Variants in CDK10 observed in about 807,000 individuals in gnomAD.
CDK10 encodes cyclin dependent kinase 10.
Under a neutral mutation model 51.0 loss-of-function variants are expected in CDK10, and 55 were observed. The ratio of observed to expected loss-of-function variants is 1.08; its 90% CI spans 0.87 to 1.35. CDK10 has a LOEUF of 1.35. Ranked by LOEUF, CDK10 falls within the 40% of genes most tolerant of loss-of-function variation. The pLI, the probability that CDK10 is intolerant of heterozygous loss-of-function variation, is 0.00. For synonymous variants in CDK10, 255 were observed against 199.1 expected (o/e 1.28, Z -2.36); for missense variants, 589 against 485.1 (o/e 1.21, Z -2.01).
intron 1 of CDK10, among the ~76,000 whole-genome samples, chr16:89,688,270 G>C (rs2151558311): frequency 6.6e-6 from 1 of 152,068 alleles, no homozygotes; most frequent in Non-Finnish European, 1.5e-5. Flanking sequence ...TTTTAGTAGA[G>C]ACGGAGTTTC....
At chr16:89,692,082 G>C in intron 5 of CDK10, 195 bp downstream of exon 5, 1 of 611,988 alleles carries the variant, frequency 1.6e-6, no homozygotes, top group South Asian at 2.0e-5. Context: ...CAGCCCCAGG[G>C]CCGAGAGCCT....
Position 89,692,514 on chromosome 16 carries a change from C to T in CDK10, c.483C>T (p.His161=), listed in dbSNP as rs780418527. 1.3e-6 allele frequency: 2 copies of T among 1,588,040 alleles called. No homozygotes were observed. Among genetic ancestry groups the T allele is most frequent in the Non-Finnish European group, 1.7e-6 (2 of 1,166,990 alleles). Residue 161 remains histidine, a splice_region_variant and synonymous_variant, in exon 6 of 13, where the codon CAC becomes CAT. Coordinates refer to ENST00000353379, the MANE Select transcript of CDK10 (RefSeq NM_052988.5). The part of the protein sequence containing the change: ...LQYLHRNFII[H]RDLKVSNLLM... ...ATCTGCACAGGAACTTCATTATCCACAGGTGGGTGACAGCTAGGCAGAGTT... is the reference window on the plus strand; with the variant it reads ...ATCTGCACAGGAACTTCATTATCCATAGGTGGGTGACAGCTAGGCAGAGTT...
intron 5 of CDK10, 96 bp from the exon 6 acceptor site, chr16:89,692,353 G>T: frequency 1.1e-6 from 1 of 908,232 alleles, no homozygotes; most frequent in Non-Finnish European, 1.7e-6. Context: ...TGGGCTATTG[G>T]GACTGCTAGT....
chr16:89,690,583 T>C lies in CDK10; in HGVS notation c.191T>C (p.Ile64Thr), dbSNP rs559170845. 8.7e-6 allele frequency: 14 copies of C among 1,613,814 alleles called. No homozygotes were observed. Among genetic ancestry groups the C allele is most frequent in the Middle Eastern group, 1.6e-4 (1 of 6,062 alleles). Reference sequence around the variant, plus strand: ...GCCCGGGACACCCAGACAGATGAGATTGTCGCACTGAAGAAGGTGCGGATG... The same window carrying C: ...GCCCGGGACACCCAGACAGATGAGACTGTCGCACTGAAGAAGGTGCGGATG... ...YRARDTQTDE[I>T]VALKKVRMDK... The change falls in exon 3 of 13, where the codon ATT (isoleucine) becomes ACT (threonine). Residue 64 changes from isoleucine to threonine, a missense_variant. Transcript: ENST00000353379.
intron 1 of CDK10, chr16:89,687,323 G>C: frequency 2.6e-6 from 1 of 381,702 alleles, no homozygotes; most frequent in Non-Finnish European, 5.4e-6. Context: ...GGCGTTGGGC[G>C]GTGTTGCCCA....
intron 9 of CDK10, 53 bp downstream of exon 9, chr16:89,694,285 G>A: frequency 6.3e-7 from 1 of 1,575,546 alleles, no homozygotes; most frequent in Non-Finnish European, 8.7e-7. Flanking sequence ...TGGGACAGGA[G>A]CCGGGTCACC....
intron 9 of CDK10, 194 bp downstream of exon 9, chr16:89,694,426 AG>A (rs1567523185): frequency 1.2e-6 from 1 of 851,132 alleles, no homozygotes; most frequent in Admixed American, 2.1e-5. Flanking sequence ...TGCTGTTCTC[AG>A]GCTGGGAGCA....
At chr16:89,692,060 G>C in intron 5 of CDK10, 173 bp downstream of exon 5, 1 of 632,894 alleles carries the variant, frequency 1.6e-6, no homozygotes, top group Non-Finnish European at 2.8e-6. Flanking sequence ...GGGGGCATCT[G>C]CTGGGAGCGG....
rs1278670532 is a variant in CDK10 at position 89,693,425 on chromosome 16, G to A, written c.566G>A (p.Gly189Asp). The change falls in exon 8 of 13, where the codon GGT becomes GAT. Residue 189 changes from glycine (G) to aspartate (D), a missense_variant. By Grantham distance (94) the Gly-to-Asp change is moderately conservative. Coordinates refer to ENST00000353379, the MANE Select transcript of CDK10 (RefSeq NM_052988.5). ...TADFGLARAY[G>D]VPVKPMTPKV... Reference sequence around the variant, plus strand: ...GATTTCGGCCTGGCCCGGGCCTATGGTGTCCCAGTAAAGCCAATGACCCCC... The same window carrying A: ...GATTTCGGCCTGGCCCGGGCCTATGATGTCCCAGTAAAGCCAATGACCCCC... 6.2e-7 allele frequency: 1 copy of A among 1,614,082 alleles called. No homozygotes were observed. Among genetic ancestry groups the A allele is most frequent in the Non-Finnish European group, 8.5e-7 (1 of 1,180,056 alleles).
intron 1 of CDK10, chr16:89,687,674 C>G (rs912068290): frequency 2.3e-6 from 1 of 439,902 alleles, no homozygotes; most frequent in Non-Finnish European, 4.7e-6. Flanking sequence ...AGTGATCTTC[C>G]TGCCTCGGCC....
intron 2 of CDK10, 171 bp from the exon 3 acceptor site, chr16:89,690,382 G>C (rs62068363): frequency 9.5e-6 from 6 of 630,558 alleles, no homozygotes; most frequent in South Asian, 7.1e-5. Context: ...CCGGGGGAAC[G>C]CGTCTCGGGC....
intron 6 of CDK10, 124 bp downstream of exon 6, chr16:89,692,640 C>T (rs1030970281): frequency 1.3e-5 from 8 of 606,944 alleles, no homozygotes; most frequent in Non-Finnish European, 2.2e-5. Context: ...GCTCGCACTC[C>T]ATTTGTGTTT....
At chr16:89,694,570 G>T (rs1156691225) in intron 9 of CDK10, 95 bp from the exon 10 acceptor site, 18 of 1,535,590 alleles carry the variant, frequency 1.2e-5, no homozygotes, top group Admixed American at 2.0e-5. Flanking sequence ...CACTGGCAGG[G>T]TCAGCAAAGG....
At chr16:89,689,629 T>C (rs1293331669) in intron 2 of CDK10, 2 of 342,630 alleles carry the variant, frequency 5.8e-6, no homozygotes, top group Non-Finnish European at 1.1e-5. Context: ...CTGGACATGG[T>C]GCTCATGTCT....
intron 1 of CDK10, chr16:89,687,756 G>A: frequency 2.7e-6 from 1 of 365,598 alleles, no homozygotes; most frequent in Non-Finnish European, 5.6e-6. Context: ...AGTTCAGGAA[G>A]TGTGACAAGG....
chr16:89,692,621 C>G, intron 6 of CDK10, 105 bp downstream of exon 6: 4 of 724,110 alleles, frequency 5.5e-6, no homozygotes, highest in Non-Finnish European at 8.8e-6. Context: ...CTGCAGCAGC[C>G]TGCCCGCTGC....
chr16:89,686,888 C>A (rs996969130), intron 1 of CDK10, 91 bp downstream of exon 1: 16 of 1,120,498 alleles, frequency 1.4e-5, no homozygotes, highest in Admixed American at 2.5e-5. Context: ...GCTGCCGCGC[C>A]GAGGCTTCCG....
chr16:89,695,411 G>A (rs1469643159), intron 12 of CDK10, 66 bp downstream of exon 12: 2 of 1,560,384 alleles, frequency 1.3e-6, no homozygotes, highest in East Asian at 4.5e-5. Flanking sequence ...GCCCGGGGTG[G>A]GTGGTGGAGA....
chr16:89,687,362 C>T (rs961072854), intron 1 of CDK10: 73 of 426,316 alleles, frequency 1.7e-4, no homozygotes, highest in Non-Finnish European at 4.3e-5. Flanking sequence ...GTGGAGAGCC[C>T]TGAACTTTGG....
Sources: gnomAD v4.1 joint callset for allele counts (sites outside exome capture counted in the v4.1 genomes callset) on GRCh38, gnomAD v4.1.1 for gene constraint, MANE v1.5 for transcripts, NCBI Gene and HGNC (gene_info 2026-07-23, HGNC 2026-07-21) for gene names.